Variants in PRKN observed in about 807,000 individuals in gnomAD.
The protein encoded by PRKN is E3 ubiquitin-protein ligase parkin.
In PRKN, 56 loss-of-function variants were observed where a neutral mutation model predicts 59.5. That is an observed-to-expected ratio of 0.94 (90% CI 0.76 to 1.18). The LOEUF (loss-of-function observed/expected upper bound fraction) is 1.18, where lower values mean the gene tolerates loss of function less well. PRKN is among the 50% of genes most tolerant of loss of function. The probability of loss-of-function intolerance (pLI) is 0.00; values close to 1 mark genes in which losing one functional copy is unlikely to be tolerated. For synonymous variants in PRKN, 250 were observed against 222.1 expected (o/e 1.13, Z -1.12); for missense variants, 657 against 596.4 (o/e 1.10, Z -1.06).
chr6:162,447,453 AAAC>A (rs1428755956), intron 1 of PRKN, among the ~76,000 whole-genome samples: 2 of 152,204 alleles, frequency 1.3e-5, no homozygotes, highest in African/African-American at 2.4e-5. Context: ...TATCAGAAAC[AAAC>A]AACATACCAG....
chr6:162,186,495 A>G (rs972848965), intron 4 of PRKN, among the ~76,000 whole-genome samples: 10 of 152,230 alleles, frequency 6.6e-5, no homozygotes, highest in African/African-American at 2.4e-4. Context: ...TTTGTGGAAG[A>G]AAAGGGCTTC....
intron 7 of PRKN, among the ~76,000 whole-genome samples, chr6:161,774,479 C>T (rs1452737046): frequency 2.6e-5 from 4 of 151,378 alleles, no homozygotes; most frequent in South Asian, 2.1e-4. Context: ...GTACAAGGAA[C>T]GTGGAAATAA....
chr6:162,450,288 G>T (rs908796233), intron 1 of PRKN, among the ~76,000 whole-genome samples: 2 of 150,592 alleles, frequency 1.3e-5, no homozygotes, highest in African/African-American at 4.9e-5. Flanking sequence ...GCCCCTTTGA[G>T]TGTAACACCC....
At chr6:161,613,719 G>T (rs1782571022) in intron 7 of PRKN, among the ~76,000 whole-genome samples, 1 of 152,182 alleles carries the variant, frequency 6.6e-6, no homozygotes. Context: ...AAAAGATAAG[G>T]ATTTGCTTTA....
At chr6:162,214,687 T>C (rs1583210541) in intron 3 of PRKN, among the ~76,000 whole-genome samples, 1 of 152,210 alleles carries the variant, frequency 6.6e-6, no homozygotes, top group Admixed American at 6.5e-5. Flanking sequence ...ACACCCAAAA[T>C]GTGTGGCCTG....
At chr6:161,657,676 C>A (rs899481335) in intron 7 of PRKN, among the ~76,000 whole-genome samples, 10 of 152,122 alleles carry the variant, frequency 6.6e-5, no homozygotes, top group African/African-American at 2.4e-4. Context: ...CAGCCTCACT[C>A]GACATTAAAA....
At chr6:162,123,917 G>T (rs139724189) in intron 4 of PRKN, among the ~76,000 whole-genome samples, 3 of 152,114 alleles carry the variant, frequency 2.0e-5, no homozygotes, top group East Asian at 1.9e-4. Flanking sequence ...AGACTATACC[G>T]AGAGGAGGCA....
chr6:162,021,461 A>ATATATATATATATATATAT (rs59250759), intron 5 of PRKN, among the ~76,000 whole-genome samples: 15 of 24,668 alleles, frequency 6.1e-4, no homozygotes, highest in African/African-American at 1.3e-3. Context: ...ATATATATAT[A>ATATATATATATATATATAT]TTTTTTTTTT....
At chr6:162,646,362 C>T (rs930155461) in intron 1 of PRKN, among the ~76,000 whole-genome samples, 75 of 152,112 alleles carry the variant, frequency 4.9e-4, no homozygotes, top group African/African-American at 1.7e-3. Context: ...GGCCTTGACA[C>T]CCTGGGCTCC....
intron 7 of PRKN, among the ~76,000 whole-genome samples, chr6:161,645,189 G>A (rs901572384): frequency 3.3e-5 from 5 of 150,790 alleles, no homozygotes; most frequent in Admixed American, 1.3e-4. Context: ...TATGACTGAT[G>A]ATGTTTCAAA....
chr6:162,532,314 C>G (rs1778547939), intron 1 of PRKN, among the ~76,000 whole-genome samples: 1 of 152,214 alleles, frequency 6.6e-6, no homozygotes, highest in Non-Finnish European at 1.5e-5. Context: ...CAAGCATATT[C>G]CTGTCACCTT....
In PRKN at chr6:161,932,322, A is replaced by G. The variant is rs113716618; in HGVS notation, c.734+40980T>C. Among the ~76,000 whole-genome samples, 149 of 152,272 alleles carry G rather than the reference A, an allele frequency of 9.8e-4. 1 individual carries two copies. The highest frequency in any genetic ancestry group is 3.4e-3 in the African/African-American group (142 of 41,578). On this transcript the variant is annotated intron_variant, in intron 6 of 11. Transcript: ENST00000366898. ...CATAATGTTTAAGATCATAAAAAAT[A>G]TAAATTTTTGTTCATTGAATATTTA...
chr6:162,516,581 G>A (rs1777870424), intron 1 of PRKN, among the ~76,000 whole-genome samples: 1 of 152,022 alleles, frequency 6.6e-6, no homozygotes, highest in African/African-American at 2.4e-5. Context: ...GTGAAACACT[G>A]TCTCTACTAA....
intron 7 of PRKN, among the ~76,000 whole-genome samples, chr6:161,749,655 C>G (rs1788591649): frequency 6.6e-6 from 1 of 151,966 alleles, no homozygotes; most frequent in South Asian, 2.1e-4. Context: ...CACTGCAAAC[C>G]CCTCTGAGAA....
intron 7 of PRKN, among the ~76,000 whole-genome samples, chr6:161,589,614 T>C (rs745765947): frequency 2.0e-5 from 3 of 151,938 alleles, no homozygotes; most frequent in Non-Finnish European, 4.4e-5. Flanking sequence ...ACCATCTATT[T>C]TGTGTATGTA....
chr6:161,941,231 A>G (rs1004783957), intron 6 of PRKN, among the ~76,000 whole-genome samples: 1 of 152,166 alleles, frequency 6.6e-6, no homozygotes, highest in Admixed American at 6.5e-5. Flanking sequence ...TGCCTATAAA[A>G]ACCCTGAGAG....
intron 7 of PRKN, among the ~76,000 whole-genome samples, chr6:161,757,575 T>A (rs1583113684): frequency 6.6e-6 from 1 of 152,036 alleles, no homozygotes; most frequent in East Asian, 1.9e-4. Context: ...CAGTGGCTTA[T>A]GCCTGTAATC....
intron 6 of PRKN, among the ~76,000 whole-genome samples, chr6:161,910,358 G>A (rs1217744953): frequency 3.3e-5 from 5 of 152,164 alleles, no homozygotes; most frequent in South Asian, 4.1e-4. Context: ...GGGTTCAAGC[G>A]ATTCTCCTGC....
chr6:162,100,738 G>A (rs1033308148), intron 4 of PRKN, among the ~76,000 whole-genome samples: 7 of 152,040 alleles, frequency 4.6e-5, no homozygotes, highest in Admixed American at 6.6e-5. Flanking sequence ...CACCGTGCCC[G>A]GCCATCTCTT....
Sources: gnomAD v4.1 joint callset for allele counts (sites outside exome capture counted in the v4.1 genomes callset) on GRCh38, gnomAD v4.1.1 for gene constraint, MANE v1.5 for transcripts, NCBI Gene and HGNC (gene_info 2026-07-23, HGNC 2026-07-21) for gene names.